SLC35F4: variants seen among roughly 807,000 people sequenced by gnomAD.
SLC35F4 encodes the protein solute carrier family 35 member F4, also known as chromosome 14 open reading frame 36.
Under a neutral mutation model 44.2 loss-of-function variants are expected in SLC35F4, and 24 were observed. That is an observed-to-expected ratio of 0.54 (90% CI 0.39 to 0.76). The LOEUF is 0.76. SLC35F4 is among the 30% of genes least tolerant of loss of function. The probability of loss-of-function intolerance (pLI) is 0.00; values close to 1 mark genes in which losing one functional copy is unlikely to be tolerated. For synonymous variants in SLC35F4, 238 were observed against 223.6 expected (o/e 1.06, Z -0.57); for missense variants, 562 against 586.1 (o/e 0.96, Z 0.42).
At chr14:57,817,248 C>T (rs1313166165) in intron 1 of SLC35F4, among the ~76,000 whole-genome samples, 1 of 152,184 alleles carries the variant, frequency 6.6e-6, no homozygotes, top group African/African-American at 2.4e-5. Flanking sequence ...TCTAACAGAT[C>T]TCTTATGTCT....
Position 57,865,937 on chromosome 14 carries a change from C to G in SLC35F4, c.-112G>C. On this transcript the variant is annotated 5_prime_UTR_variant, in exon 1 of 8. Coordinates refer to ENST00000556826, the MANE Select transcript of SLC35F4 (RefSeq NM_001306087.2). ...GGTGCTGATCTTGCAGCTCCTGCTC[C>G]CGCGCCCGGGCTCTGACTCCACCGC... The G allele has an allele frequency of 1.6e-6, 1 of 627,936 alleles. No homozygotes were observed. The highest frequency in any genetic ancestry group is 2.5e-6 in the Non-Finnish European group (1 of 405,148). The allele number at this position is 627,936 out of a possible 1,614,324, so 38.9% of individuals were successfully genotyped here.
chr14:57,877,674 C>CTTT lies in SLC35F4; in HGVS notation n.282+104236_282+104238dup, dbSNP rs139397949. 1.4e-3 allele frequency among the ~76,000 whole-genome samples: 75 copies of CTTT among 52,426 alleles called. 19 individuals are homozygous for CTTT. The East Asian group carries it at 0.041, about 28-fold the overall frequency. 34.4% of individuals were successfully genotyped at this position (52,426 alleles called of 152,430 possible). A position where few individuals can be genotyped will look rare whatever the true frequency, so the allele number is the denominator to read the frequency against. On this transcript the variant is annotated intron_variant and non_coding_transcript_variant, in intron 1 of 1. Transcript: ENST00000556568. ...CTTGCCAGCATCTGTTATTTTTTGA[C>CTTT]TTTTTTTTTTTTTTTTTTTTTTTTT...
intron 2 of SLC35F4, among the ~76,000 whole-genome samples, chr14:57,593,496 A>G (rs1429960158): frequency 6.6e-6 from 1 of 152,154 alleles, no homozygotes; most frequent in East Asian, 1.9e-4. Context: ...TGAAACTGGG[A>G]ATACTAAAAG....
intron 1 of SLC35F4, among the ~76,000 whole-genome samples, chr14:57,935,590 G>C (rs543257198): frequency 6.6e-6 from 1 of 152,250 alleles, no homozygotes; most frequent in African/African-American, 2.4e-5. Flanking sequence ...ATTCTTTTTA[G>C]AGTCCAGATA....
At position 57,865,754 on chromosome 14, in the gene SLC35F4, A is replaced by G; in HGVS notation, c.72T>C (p.Tyr24=). 1.3e-6 allele frequency: 2 copies of G among 1,523,910 alleles called. No individual in the cohort carries two copies. The highest frequency in any genetic ancestry group is 1.8e-6 in the Non-Finnish European group (2 of 1,141,948). 94.4% of individuals were successfully genotyped at this position (1,523,910 alleles called of 1,614,324 possible). The change falls in exon 1 of 8, where the codon TAT becomes TAC. Residue 24 remains tyrosine, a synonymous_variant. Transcript: ENST00000556826. ...EDRILRITGY[Y]GYYPGYSSQK... is the part of the protein sequence containing the mutation. ...GGCTGGAGTAACCTGGATAATAGCC[A>G]TAGTAGCCGGTGATCCGCAGGATCC...
At chr14:57,864,354 T>G (rs1887941923) in intron 1 of SLC35F4, among the ~76,000 whole-genome samples, 1 of 152,244 alleles carries the variant, frequency 6.6e-6, no homozygotes, top group African/African-American at 2.4e-5. Flanking sequence ...CAGAAAATTC[T>G]AACACTATAT....
At chr14:57,740,270 T>C (rs913703809) in intron 1 of SLC35F4, among the ~76,000 whole-genome samples, 1 of 152,248 alleles carries the variant, frequency 6.6e-6, no homozygotes, top group East Asian at 1.9e-4. Context: ...AACTCAAATC[T>C]ATGATAATTT....
At chr14:57,964,985 A>ATATATAT (rs1361527829) in intron 1 of SLC35F4, among the ~76,000 whole-genome samples, 5 of 130,980 alleles carry the variant, frequency 3.8e-5, no homozygotes, top group Admixed American at 7.4e-5. Flanking sequence ...AAAAAAAAAA[A>ATATATAT]AAAAAAATAT....
chr14:57,735,593 C>T (rs2076442828), intron 1 of SLC35F4, among the ~76,000 whole-genome samples: 1 of 152,176 alleles, frequency 6.6e-6, no homozygotes, highest in African/African-American at 2.4e-5. Context: ...AGGGCAATGC[C>T]TGTGTCTGAA....
intron 1 of SLC35F4, among the ~76,000 whole-genome samples, chr14:57,795,010 A>T (rs939216202): frequency 6.6e-6 from 1 of 152,106 alleles, no homozygotes; most frequent in Non-Finnish European, 1.5e-5. Context: ...AATTACACCC[A>T]TCTCTGGAAG....
chr14:57,726,446 C>T (rs552068824), intron 1 of SLC35F4, among the ~76,000 whole-genome samples: 1 of 152,302 alleles, frequency 6.6e-6, no homozygotes, highest in South Asian at 2.1e-4. Flanking sequence ...AATACTTCCT[C>T]CTTCTTTTGT....
At position 57,742,097 on chromosome 14, in the gene SLC35F4, C is replaced by T. The variant is rs185846931; in HGVS notation, c.103+123626G>A. Among the ~76,000 whole-genome samples the T allele has an allele frequency of 3.2e-3, 482 of 152,226 alleles. 2 individuals carry two copies. The highest frequency in any genetic ancestry group is 5.7e-3 in the Non-Finnish European group (386 of 68,020). On this transcript the variant is annotated intron_variant, in intron 1 of 7. Transcript: ENST00000556826. ...AGCACTAAACATGGAAAGGAACAAC[C>T]GGTACGAGCCACTGAAAAAACATGC...
intron 1 of SLC35F4, among the ~76,000 whole-genome samples, chr14:57,792,852 A>G (rs2077961214): frequency 1.3e-5 from 2 of 152,096 alleles, no homozygotes. Flanking sequence ...GGGTGTACCG[A>G]AATCTCAGAA....
chr14:57,711,464 T>A (rs1349345545), intron 1 of SLC35F4, among the ~76,000 whole-genome samples: 1 of 152,182 alleles, frequency 6.6e-6, no homozygotes, highest in African/African-American at 2.4e-5. Flanking sequence ...AGTTAAACTA[T>A]GAGTTGAATC....
intron 1 of SLC35F4, among the ~76,000 whole-genome samples, chr14:57,666,690 T>C (rs1453167924): frequency 6.7e-6 from 1 of 149,514 alleles, no homozygotes. Flanking sequence ...ACAAGCATGA[T>C]GGCCAAAAAA....
chr14:57,740,459 T>G (rs913639128), intron 1 of SLC35F4, among the ~76,000 whole-genome samples: 2 of 152,224 alleles, frequency 1.3e-5, no homozygotes, highest in African/African-American at 4.8e-5. Context: ...CAATGAATTC[T>G]TGTTGGAAGA....
At chr14:57,732,305 T>C (rs2076362026) in intron 1 of SLC35F4, among the ~76,000 whole-genome samples, 1 of 152,150 alleles carries the variant, frequency 6.6e-6, no homozygotes, top group South Asian at 2.1e-4. Context: ...ACAGGTTTTA[T>C]TTCTTTGAAT....
At chr14:57,941,763 C>G (rs965206268) in intron 1 of SLC35F4, among the ~76,000 whole-genome samples, 11 of 152,060 alleles carry the variant, frequency 7.2e-5, no homozygotes, top group Admixed American at 6.6e-4. Flanking sequence ...AATACATGAC[C>G]TATAAACATT....
chr14:57,859,542 T>C (rs537621519), intron 1 of SLC35F4, among the ~76,000 whole-genome samples: 1 of 152,328 alleles, frequency 6.6e-6, no homozygotes, highest in South Asian at 2.1e-4. Context: ...CAATATAAGC[T>C]GGGTTCAGAT....
Sources: allele counts gnomAD v4.1 joint callset (sites outside exome capture counted in the v4.1 genomes callset), GRCh38; gene constraint gnomAD v4.1.1; transcripts MANE v1.5; gene names NCBI Gene and HGNC (gene_info 2026-07-23, HGNC 2026-07-21).